The following DIP2C variants were observed in gnomAD, a reference collection of about 807,000 sequenced individuals.
DIP2C encodes the protein disco-interacting protein 2 homolog C.
Under a neutral mutation model 192.4 loss-of-function variants are expected in DIP2C, and 33 were observed. The ratio of observed to expected loss-of-function variants is 0.17; its 90% CI spans 0.13 to 0.23. DIP2C has a LOEUF of 0.23. Ranked by LOEUF, DIP2C falls within the 10% of genes least tolerant of loss-of-function variation. DIP2C has a pLI of 1.00. For synonymous variants in DIP2C, 979 were observed against 864.1 expected, an observed-to-expected ratio of 1.13 and a Z score of -2.33; for missense variants, 1,537 against 2,110.1, an observed-to-expected ratio of 0.73 and a Z score of 5.32.
At chr10:508,821 G>A (rs1845811573) in intron 1 of DIP2C, among the ~76,000 whole-genome samples, 1 of 152,164 alleles carries the variant, frequency 6.6e-6, no homozygotes, top group African/African-American at 2.4e-5. Flanking sequence ...GGGAAGTTGT[G>A]TACTACTGAT....
Position 363,755 on chromosome 10 carries a change from C to T in DIP2C, c.2478-444G>A, listed in dbSNP as rs1008442160. ...TATGTGCCTTATACTGTCAGCACAG[C>T]ACAGTCACCTCCAGTAAAAGAGATT... On this transcript the variant is annotated intron_variant, in intron 20 of 36. Transcript: ENST00000280886. The surrounding 1 kb of genome is among the most constrained non-coding windows in gnomAD (Gnocchi z 5.4). Among the ~76,000 whole-genome samples, 1 of 152,206 alleles carries T rather than the reference C, an allele frequency of 6.6e-6. No homozygotes were observed. Among genetic ancestry groups the T allele is most frequent in the Non-Finnish European group, 1.5e-5 (1 of 68,034 alleles).
intron 1 of DIP2C, among the ~76,000 whole-genome samples, chr10:487,581 T>TTTGTTTG (rs1564778101): frequency 6.3e-4 from 85 of 134,412 alleles, no homozygotes; most frequent in Non-Finnish European, 3.2e-4. Context: ...TTTTTTTTTT[T>TTTGTTTG]TTTTTTTTTT....
chr10:575,971 C>T (rs1850124245), intron 1 of DIP2C, among the ~76,000 whole-genome samples: 1 of 152,236 alleles, frequency 6.6e-6, no homozygotes, highest in Admixed American at 6.5e-5. Flanking sequence ...CACCTCCTTG[C>T]AGATGCTACT....
At chr10:556,664 C>G (rs539877054) in intron 1 of DIP2C, among the ~76,000 whole-genome samples, 2 of 152,184 alleles carry the variant, frequency 1.3e-5, no homozygotes, top group African/African-American at 2.4e-5. Flanking sequence ...GGGCCTGGCC[C>G]TGCATCCTGT....
chr10:305,972 A>AATATATATATAT lies in DIP2C; in HGVS notation c.3986+4047_3986+4058dup, dbSNP rs35830495. On this transcript the variant is annotated intron_variant, in intron 32 of 36. Transcript: ENST00000280886. ...AAAACCGCATCTTCAAATGCAGACA[A>AATATATATATAT]ATATATATATATATATATATATTAT... Among the ~76,000 whole-genome samples the AATATATATATAT allele has an allele frequency of 1.7e-3, 255 of 146,340 alleles. 1 individual carries two copies. Among genetic ancestry groups the AATATATATATAT allele is most frequent in the Middle Eastern group, 0.011 (3 of 280 alleles).
intron 17 of DIP2C, among the ~76,000 whole-genome samples, chr10:378,720 C>A (rs963729343): frequency 1.3e-5 from 2 of 151,782 alleles, no homozygotes; most frequent in Non-Finnish European, 2.9e-5. Flanking sequence ...TGCACAGACA[C>A]GTGAACAGAC....
rs1041047678 is a variant in DIP2C at position 534,932 on chromosome 10, T to C, written c.86-48402A>G. On this transcript the variant is annotated intron_variant, in intron 1 of 36. Coordinates refer to ENST00000280886, the MANE Select transcript of DIP2C (RefSeq NM_014974.3). ...ACCTCATGATCCACCCGCCTCGGCC[T>C]CCCAAAGTGCTGGGATTACAGGCGT... Among the ~76,000 whole-genome samples, 3 of 152,066 alleles carry C rather than the reference T, an allele frequency of 2.0e-5. 1 individual carries two copies. The South Asian group carries it at 6.2e-4, about 32-fold the overall frequency.
chr10:368,202 C>T (rs1446747733), intron 18 of DIP2C, among the ~76,000 whole-genome samples: 4 of 135,838 alleles, frequency 2.9e-5, no homozygotes, highest in South Asian at 2.6e-4. Context: ...CAGGTGCCTC[C>T]GACGGGGGCC....
chr10:552,755 A>G (rs1848650238), intron 1 of DIP2C, among the ~76,000 whole-genome samples: 1 of 152,348 alleles, frequency 6.6e-6, no homozygotes, highest in South Asian at 2.1e-4. Context: ...AGGCTGAGGC[A>G]GGAGAACAGT....
At chr10:671,373 C>T (rs1358625081) in intron 1 of DIP2C, among the ~76,000 whole-genome samples, 1 of 124,144 alleles carries the variant, frequency 8.1e-6, no homozygotes, top group Non-Finnish European at 1.7e-5. Flanking sequence ...ACGGAGGAAA[C>T]AGGCCACAGA....
chr10:488,524 A>G (rs1340021853), intron 1 of DIP2C, among the ~76,000 whole-genome samples: 1 of 152,166 alleles, frequency 6.6e-6, no homozygotes, highest in Non-Finnish European at 1.5e-5. Flanking sequence ...CCACACCTAG[A>G]GTCTTCCACT....
chr10:600,236 A>C (rs967962527), intron 1 of DIP2C, among the ~76,000 whole-genome samples: 2 of 152,190 alleles, frequency 1.3e-5, no homozygotes, highest in Admixed American at 6.5e-5. Flanking sequence ...TGGAACCCTC[A>C]GTGACCAGGT....
intron 32 of DIP2C, among the ~76,000 whole-genome samples, chr10:304,123 G>A (rs946623324): frequency 4.6e-5 from 7 of 152,090 alleles, no homozygotes; most frequent in South Asian, 2.1e-4. Flanking sequence ...TACATAAACC[G>A]GCTTCACAGG....
intron 24 of DIP2C, 27 bp downstream of exon 24, chr10:356,399 C>T (rs1564607410): frequency 1.2e-6 from 2 of 1,608,918 alleles, no homozygotes; most frequent in East Asian, 4.5e-5. Flanking sequence ...AGGCCAGTAG[C>T]CAGGGAAGGC....
intron 1 of DIP2C, among the ~76,000 whole-genome samples, chr10:525,278 C>T (rs1412332726): frequency 2.6e-5 from 4 of 152,058 alleles, no homozygotes; most frequent in African/African-American, 7.2e-5. Context: ...CAGCAATTTC[C>T]AAGTCACAAG....
At position 472,464 on chromosome 10, in the gene DIP2C, C is replaced by T. The variant is rs547566582; in HGVS notation, c.243G>A (p.Gly81=). The part of the protein sequence containing the change: ...ASRYHRRRSS[G]SRDERYRSDV... Reference sequence around the variant, plus strand: ...CTGACCGATAGCGCTCATCTCGTGACCCTGAAGACCGTCGGCGGTGGTAGC... The same window carrying T: ...CTGACCGATAGCGCTCATCTCGTGATCCTGAAGACCGTCGGCGGTGGTAGC... The change falls in exon 3 of 37, where the codon GGG becomes GGA. Residue 81 remains glycine, a synonymous_variant. Coordinates refer to ENST00000280886, the MANE Select transcript of DIP2C (RefSeq NM_014974.3). 1 of 1,614,188 alleles carries T rather than the reference C, an allele frequency of 6.2e-7. No individual in the cohort carries two copies. Among genetic ancestry groups the T allele is most frequent in the South Asian group, 1.1e-5 (1 of 91,088 alleles).
In DIP2C at chr10:472,520, G is replaced by C. The variant is rs756777930; in HGVS notation, c.187C>G (p.Arg63Gly). 1.9e-6 allele frequency: 3 copies of C among 1,614,188 alleles called. No homozygotes were observed. The highest frequency in any genetic ancestry group is 2.5e-6 in the Non-Finnish European group (3 of 1,180,034). Residue 63 changes from arginine to glycine, a missense_variant, in exon 3 of 37, where the codon CGG (arginine) becomes GGG (glycine). By Grantham distance (125) the Arg-to-Gly change is moderately radical. Transcript: ENST00000280886. ...RVDQALPQER[R>G]APVTPSSASR... ...GCGGAGGAAGGAGTGACAGGAGCCC[G>C]GCGTTCTTGCGGCAAAGCTTGGTCC...
chr10:408,851 A>T, intron 9 of DIP2C, 75 bp downstream of exon 9: 1 of 1,438,532 alleles, frequency 7.0e-7, no homozygotes, highest in Non-Finnish European at 9.6e-7. Flanking sequence ...TGAACTCTGT[A>T]ATGTTTAAAC....
chr10:522,165 T>C (rs1278123475), intron 1 of DIP2C, among the ~76,000 whole-genome samples: 1 of 152,086 alleles, frequency 6.6e-6, no homozygotes, highest in Non-Finnish European at 1.5e-5. Context: ...GGCTGTCCTG[T>C]CGTTGGACTC....
Sources: gnomAD v4.1 joint callset for allele counts (sites outside exome capture counted in the v4.1 genomes callset) on GRCh38, gnomAD v4.1.1 for gene constraint, Gnocchi (gnomAD v3.1) non-coding constraint, MANE v1.5 for transcripts, NCBI Gene and HGNC (gene_info 2026-07-23, HGNC 2026-07-21) for gene names.